Variants in PHACTR1 observed in about 807,000 individuals in gnomAD.
The protein encoded by PHACTR1 is phosphatase and actin regulator 1.
Under a neutral mutation model 69.2 loss-of-function variants are expected in PHACTR1, and 16 were observed. The ratio of observed to expected loss-of-function variants is 0.23; its 90% CI spans 0.16 to 0.35. PHACTR1 has a LOEUF of 0.35. Among genes scored for constraint, PHACTR1 ranks in the 10% least tolerant of loss-of-function variants. The pLI is 1.00. For synonymous variants in PHACTR1, 312 were observed against 284.5 expected, an observed-to-expected ratio of 1.10 and a Z score of -0.97; for missense variants, 510 against 734.7, an observed-to-expected ratio of 0.69 and a Z score of 3.54.
chr6:13,156,594 G>A (rs759216685), intron 5 of PHACTR1, among the ~76,000 whole-genome samples: 8 of 152,182 alleles, frequency 5.3e-5, no homozygotes, highest in Admixed American at 1.3e-4. Context: ...TCTGTGCCAC[G>A]TAGCACATTC....
intron 6 of PHACTR1, among the ~76,000 whole-genome samples, chr6:13,172,041 A>T (rs1351335683): frequency 1.3e-5 from 2 of 152,190 alleles, no homozygotes; most frequent in Non-Finnish European, 2.9e-5. Flanking sequence ...TGCTAGGATT[A>T]CAGGTGTGAG....
chr6:12,827,421 G>A (rs931592769), intron 4 of PHACTR1, among the ~76,000 whole-genome samples: 2 of 152,076 alleles, frequency 1.3e-5, no homozygotes, highest in African/African-American at 4.8e-5. Context: ...TTACACAAAG[G>A]CCTTCTAATC....
intron 5 of PHACTR1, among the ~76,000 whole-genome samples, chr6:13,083,043 G>C (rs1811667442): frequency 6.6e-6 from 1 of 152,188 alleles, no homozygotes; most frequent in African/African-American, 2.4e-5. Context: ...GAATGGTATT[G>C]CCTAGGTTTT....
intron 4 of PHACTR1, among the ~76,000 whole-genome samples, chr6:12,812,964 A>G (rs1160973767): frequency 6.6e-6 from 1 of 152,250 alleles, no homozygotes; most frequent in East Asian, 1.9e-4. Flanking sequence ...ATGCATGAGC[A>G]TGACCGAGGC....
intron 5 of PHACTR1, among the ~76,000 whole-genome samples, chr6:13,114,846 A>G (rs1817577007): frequency 6.6e-6 from 1 of 152,234 alleles, no homozygotes; most frequent in South Asian, 2.1e-4. Context: ...TAAAAGTTAT[A>G]AATCTAAAAC....
intron 4 of PHACTR1, among the ~76,000 whole-genome samples, chr6:12,886,377 T>G (rs1783639803): frequency 6.6e-6 from 1 of 152,226 alleles, no homozygotes; most frequent in Non-Finnish European, 1.5e-5. Context: ...AATTCCCATA[T>G]CAGAGAAAAG....
At position 12,902,852 on chromosome 6, in the gene PHACTR1, T is replaced by C. The variant is rs146515092; in HGVS notation, c.251-150513T>C. ...TTGATAAAGCTGAACAAACCCACAC[T>C]GTCCATCTCAACAGGCCACTTAAGA... On this transcript the variant is annotated intron_variant, in intron 4 of 14. Coordinates refer to ENST00000332995, the MANE Select transcript of PHACTR1 (RefSeq NM_030948.6). Among the ~76,000 whole-genome samples the C allele has an allele frequency of 1.8e-3, 273 of 152,290 alleles. 1 individual carries two copies. Among genetic ancestry groups the C allele is most frequent in the African/African-American group, 6.2e-3 (258 of 41,554 alleles).
intron 10 of PHACTR1, among the ~76,000 whole-genome samples, chr6:13,263,041 A>G (rs571180133): frequency 1.3e-5 from 2 of 152,310 alleles, no homozygotes; most frequent in Admixed American, 6.5e-5. Context: ...GTGCAGCACA[A>G]CTAATCTCTG....
intron 8 of PHACTR1, among the ~76,000 whole-genome samples, chr6:13,212,916 A>G (rs1331914140): frequency 6.6e-6 from 1 of 152,124 alleles, no homozygotes; most frequent in Non-Finnish European, 1.5e-5. Flanking sequence ...CCTGTTCCCC[A>G]GCTCCTTTTA....
intron 3 of PHACTR1, among the ~76,000 whole-genome samples, chr6:12,729,125 CTTCTT>C (rs1015131955): frequency 2.0e-5 from 3 of 152,232 alleles, no homozygotes; most frequent in Non-Finnish European, 4.4e-5. Context: ...CGCCCCATCA[CTTCTT>C]TTCTCTGATG....
chr6:12,948,491 T>C (rs1790919734), intron 4 of PHACTR1, among the ~76,000 whole-genome samples: 1 of 152,190 alleles, frequency 6.6e-6, no homozygotes, highest in Non-Finnish European at 1.5e-5. Context: ...ATGTATGCCT[T>C]CTCTGTGCCA....
chr6:12,988,213 C>A (rs1265046376), intron 4 of PHACTR1, among the ~76,000 whole-genome samples: 1 of 152,154 alleles, frequency 6.6e-6, no homozygotes, highest in African/African-American at 2.4e-5. Flanking sequence ...ATAAGAGTAC[C>A]ATTTCCGTCA....
Position 12,749,397 on chromosome 6 carries a change from C to T in PHACTR1, c.104-247C>T, listed in dbSNP as rs1447731565. ...GGGCGCCAGCCAGGGATAGCCTGAT[C>T]TCTGCTCCAGTCCACAGATCCTTAA... On this transcript the variant is annotated intron_variant, in intron 3 of 14. Coordinates refer to ENST00000332995, the MANE Select transcript of PHACTR1 (RefSeq NM_030948.6). The T allele has an allele frequency of 8.7e-6, 5 of 573,620 alleles. No homozygotes were observed. In the East Asian group the frequency reaches 1.6e-4, roughly 18 times the overall value. The allele number at this position is 573,620 out of a possible 1,614,324, so 35.5% of individuals were successfully genotyped here. A position where few individuals can be genotyped will look rare whatever the true frequency, so the allele number is the denominator to read the frequency against.
In PHACTR1 at chr6:13,176,666, A is replaced by G; in HGVS notation, c.497-5853A>G. 1.3e-5 allele frequency among the ~76,000 whole-genome samples: 2 copies of G among 152,174 alleles called. 1 individual carries two copies. Among genetic ancestry groups the G allele is most frequent in the East Asian group, 3.8e-4 (2 of 5,200 alleles). On this transcript the variant is annotated intron_variant, in intron 6 of 14. Coordinates refer to ENST00000332995, the MANE Select transcript of PHACTR1 (RefSeq NM_030948.6). ...TCCCTCTTGAACAACCTGAATAAAT[A>G]AATAAATATATATTTGTTTCTACTA...
intron 4 of PHACTR1, among the ~76,000 whole-genome samples, chr6:12,901,643 C>T (rs1180300976): frequency 9.9e-5 from 15 of 152,080 alleles, no homozygotes; most frequent in Admixed American, 2.6e-4. Flanking sequence ...TACCGGCGCC[C>T]GCCACCATGC....
At chr6:12,902,467 C>T (rs1253457234) in intron 4 of PHACTR1, among the ~76,000 whole-genome samples, 1 of 152,096 alleles carries the variant, frequency 6.6e-6, no homozygotes, top group Non-Finnish European at 1.5e-5. Context: ...AACAATCTTC[C>T]CCTTACCTTC....
At chr6:12,739,143 G>A (rs1259811133) in intron 3 of PHACTR1, among the ~76,000 whole-genome samples, 1 of 152,066 alleles carries the variant, frequency 6.6e-6, no homozygotes, top group Admixed American at 6.5e-5. Flanking sequence ...GACATAGTAA[G>A]GCTTAACTGT....
chr6:12,838,971 G>C (rs1778436179), intron 4 of PHACTR1, among the ~76,000 whole-genome samples: 1 of 152,122 alleles, frequency 6.6e-6, no homozygotes, highest in Admixed American at 6.6e-5. Context: ...GATGGTACTA[G>C]CTAATATTTA....
At chr6:13,053,678 G>T in intron 5 of PHACTR1, 149 bp downstream of exon 5, 1 of 949,984 alleles carries the variant, frequency 1.1e-6, no homozygotes, top group Non-Finnish European at 1.5e-6. Flanking sequence ...AATTTTTTCA[G>T]TATGATCAAG....
Sources: allele counts gnomAD v4.1 joint callset (sites outside exome capture counted in the v4.1 genomes callset), GRCh38; gene constraint gnomAD v4.1.1; transcripts MANE v1.5; gene names NCBI Gene and HGNC (gene_info 2026-07-23, HGNC 2026-07-21).